Variants in RGS6 observed in about 807,000 individuals in gnomAD.
RGS6 encodes the protein regulator of G-protein signaling 6.
A neutral mutation model predicts 78.5 loss-of-function variants in RGS6; 30 were observed. The ratio of observed to expected loss-of-function variants is 0.38; its 90% confidence interval spans 0.29 to 0.52. The LOEUF (loss-of-function observed/expected upper bound fraction) is 0.52. Ranked by LOEUF, RGS6 falls within the 20% of genes least tolerant of loss-of-function variation. RGS6 has a pLI of 0.85. For missense variants in RGS6, 495 were observed against 609.7 expected (o/e 0.81, Z 1.98); for synonymous variants, 206 against 206.0 (o/e 1.00, Z 0.00).
chr14:71,930,405 T>C (rs550080166), upstream of RGS6, among the ~76,000 whole-genome samples: 1 of 152,236 alleles, frequency 6.6e-6, no homozygotes, highest in East Asian at 1.9e-4. Context: ...TACATATATA[T>C]ATAAAATACC....
chr14:72,080,450 C>T (rs1484045923), intron 2 of RGS6, among the ~76,000 whole-genome samples: 1 of 152,084 alleles, frequency 6.6e-6, no homozygotes. Context: ...TTATGATTTG[C>T]AAATATATTC....
intron 3 of RGS6, among the ~76,000 whole-genome samples, chr14:72,400,711 A>G (rs1418838379): frequency 6.6e-6 from 1 of 152,244 alleles, no homozygotes; most frequent in Non-Finnish European, 1.5e-5. Flanking sequence ...CTGGCAGACT[A>G]GAGAGATAGC....
In RGS6 at chr14:72,493,192, T is replaced by C. The variant is rs556012719; in HGVS notation, c.855-1960T>C. On this transcript the variant is annotated intron_variant, in intron 12 of 17. Coordinates refer to ENST00000553525, the MANE Select transcript of RGS6 (RefSeq NM_001204424.2). ...GATTTTCCAGACACTCCAGGAAGGC[T>C]CAGCGTGAAAGAGTATAATCAAAAT... 3.3e-5 allele frequency among the ~76,000 whole-genome samples: 5 copies of C among 152,188 alleles called. No individual in the cohort carries two copies. In the East Asian group the frequency reaches 7.7e-4, roughly 23 times the overall value.
At chr14:72,109,547 G>A (rs928002677) in intron 2 of RGS6, among the ~76,000 whole-genome samples, 2 of 152,148 alleles carry the variant, frequency 1.3e-5, no homozygotes, top group Non-Finnish European at 2.9e-5. Flanking sequence ...AAAAGAATTG[G>A]CTTCTAAAAT....
At chr14:71,888,019 C>A in the RGS6 span, among the ~76,000 whole-genome samples, 1 of 152,112 alleles carries the variant, frequency 6.6e-6, no homozygotes, top group African/African-American at 2.4e-5. Flanking sequence ...GTGACGTCAC[C>A]CCCGGCGGCC....
Position 72,259,910 on chromosome 14 carries a change from C to CAAAAAAA in RGS6, c.85-92170_85-92164dup, listed in dbSNP as rs11287556. Among the ~76,000 whole-genome samples, 375 of 68,400 alleles carry CAAAAAAA rather than the reference C, an allele frequency of 5.5e-3. 50 individuals carry two copies. The highest frequency in any genetic ancestry group is 0.032 in the African/African-American group (351 of 11,130). 44.9% of individuals were successfully genotyped at this position (68,400 alleles called of 152,430 possible). The stretch of plus-strand genomic sequence containing the variant: ...TGGGTGACAGAGTGAGACTCCGTCT[C>CAAAAAAA]AAAAAAAAAAAAAAAAAAAAAGCTT... On this transcript the variant is annotated intron_variant, in intron 2 of 17. Coordinates refer to ENST00000553525, the MANE Select transcript of RGS6 (RefSeq NM_001204424.2).
chr14:72,194,059 C>G (rs746795734), intron 2 of RGS6, among the ~76,000 whole-genome samples: 17 of 152,112 alleles, frequency 1.1e-4, no homozygotes, highest in South Asian at 2.1e-4. Context: ...GCAGAGAGAT[C>G]AGGTGAGAGG....
chr14:72,034,215 G>C (rs2153351859), intron 2 of RGS6, among the ~76,000 whole-genome samples: 1 of 152,252 alleles, frequency 6.6e-6, no homozygotes, highest in East Asian at 1.9e-4. Flanking sequence ...ATGTTGACGA[G>C]AAGTGGCAGG....
At chr14:72,378,811 G>A (rs989141829) in intron 3 of RGS6, among the ~76,000 whole-genome samples, 1 of 152,066 alleles carries the variant, frequency 6.6e-6, no homozygotes, top group Non-Finnish European at 1.5e-5. Context: ...AAAATTTGAA[G>A]TAGAGGAAAT....
chr14:72,157,108 G>T (rs2096783629), intron 2 of RGS6, among the ~76,000 whole-genome samples: 1 of 152,072 alleles, frequency 6.6e-6, no homozygotes. Flanking sequence ...TACCCTTTAG[G>T]TCTAATATAG....
the RGS6 span, among the ~76,000 whole-genome samples, chr14:71,888,198 G>A: frequency 4.9e-4 from 75 of 152,088 alleles, no homozygotes; most frequent in African/African-American, 1.2e-3. Flanking sequence ...AGCTGAGATC[G>A]CGCCACTGCA....
intron 12 of RGS6, among the ~76,000 whole-genome samples, chr14:72,489,372 C>G (rs939798798): frequency 2.0e-5 from 3 of 152,220 alleles, no homozygotes; most frequent in Admixed American, 2.0e-4. Context: ...CCAGTGTTCT[C>G]TCTGTATCCC....
At chr14:72,197,601 AAAAATT>A (rs2040491789) in intron 2 of RGS6, among the ~76,000 whole-genome samples, 2 of 152,232 alleles carry the variant, frequency 1.3e-5, no homozygotes, top group African/African-American at 4.8e-5. Flanking sequence ...TAGTATTTTT[AAAAATT>A]AAAATTGTGA....
intron 2 of RGS6, among the ~76,000 whole-genome samples, chr14:72,041,215 G>A (rs1156388225): frequency 6.6e-6 from 1 of 152,136 alleles, no homozygotes; most frequent in Non-Finnish European, 1.5e-5. Context: ...AGTCTTAATG[G>A]ACTGGCTTTG....
At chr14:72,367,453 T>A (rs2082658353) in intron 3 of RGS6, among the ~76,000 whole-genome samples, 1 of 152,204 alleles carries the variant, frequency 6.6e-6, no homozygotes, top group Admixed American at 6.5e-5. Flanking sequence ...GAAACTTTTT[T>A]TTTTGTAATA....
At chr14:72,490,452 C>T (rs992051089) in intron 12 of RGS6, among the ~76,000 whole-genome samples, 1 of 152,144 alleles carries the variant, frequency 6.6e-6, no homozygotes, top group Non-Finnish European at 1.5e-5. Flanking sequence ...AAGCCTGGCC[C>T]CAGGGAAGAT....
intron 3 of RGS6, among the ~76,000 whole-genome samples, chr14:72,396,884 G>A (rs1284396636): frequency 2.0e-5 from 3 of 152,138 alleles, no homozygotes; most frequent in African/African-American, 7.2e-5. Flanking sequence ...TAAGAGCTCT[G>A]TCCTTTTCCA....
At chr14:72,247,720 T>C (rs1477150473) in intron 2 of RGS6, among the ~76,000 whole-genome samples, 1 of 152,194 alleles carries the variant, frequency 6.6e-6, no homozygotes, top group Non-Finnish European at 1.5e-5. Context: ...ATTAATGCCA[T>C]TATCTTGGGA....
At chr14:72,309,644 T>C (rs928296014) in intron 2 of RGS6, among the ~76,000 whole-genome samples, 1 of 152,266 alleles carries the variant, frequency 6.6e-6, no homozygotes, top group Non-Finnish European at 1.5e-5. Flanking sequence ...TATTAATTCA[T>C]GCATTTGAAA....
Sources: gnomAD v4.1 joint callset for allele counts (sites outside exome capture counted in the v4.1 genomes callset) on GRCh38, gnomAD v4.1.1 for gene constraint, MANE v1.5 for transcripts, NCBI Gene and HGNC (gene_info 2026-07-23, HGNC 2026-07-21) for gene names.